ASAP2: variants seen among roughly 807,000 people sequenced by gnomAD.
ASAP2 encodes ArfGAP with SH3 domain, ankyrin repeat and PH domain 2.
A neutral mutation model predicts 131.4 loss-of-function variants in ASAP2; 45 were observed. The ratio of observed to expected loss-of-function variants is 0.34; its 90% CI spans 0.27 to 0.44. The LOEUF (loss-of-function observed/expected upper bound fraction) is 0.44. Ranked by LOEUF, ASAP2 falls within the 20% of genes least tolerant of loss-of-function variation. The pLI, the probability that ASAP2 is intolerant of heterozygous loss-of-function variation, is 1.00. For synonymous variants in ASAP2, 510 were observed against 503.0 expected, an observed-to-expected ratio of 1.01 and a Z score of -0.19; for missense variants, 1,011 against 1,297.0, an observed-to-expected ratio of 0.78 and a Z score of 3.39.
chr2:9,400,556 G>C (rs975792609), intron 25 of ASAP2, among the ~76,000 whole-genome samples, 186 bp from the exon 26 acceptor site: 1 of 151,912 alleles, frequency 6.6e-6, no homozygotes, highest in Non-Finnish European at 1.5e-5. Flanking sequence ...AGGCTCACTG[G>C]GGGACACTCG....
At chr2:9,329,533 G>C (rs1405417480) in intron 7 of ASAP2, among the ~76,000 whole-genome samples, 1 of 152,198 alleles carries the variant, frequency 6.6e-6, no homozygotes, top group Non-Finnish European at 1.5e-5. Context: ...GTTAGAAGCA[G>C]CTTCAGGAAG....
intron 9 of ASAP2, among the ~76,000 whole-genome samples, chr2:9,335,686 C>T (rs887343244): frequency 1.1e-4 from 17 of 152,188 alleles, no homozygotes; most frequent in Non-Finnish European, 2.1e-4. Context: ...CTCTTACTTC[C>T]CCTCTTTCTG....
chr2:9,271,338 G>C (rs1666379452), intron 1 of ASAP2: 1 of 1,077,066 alleles, frequency 9.3e-7, no homozygotes, highest in Non-Finnish European at 1.4e-6. Context: ...AGCTCTACGA[G>C]GAACTGGCAT....
intron 19 of ASAP2, 63 bp downstream of exon 19, chr2:9,379,122 C>A: frequency 8.3e-7 from 1 of 1,200,952 alleles, no homozygotes; most frequent in Non-Finnish European, 1.1e-6. Context: ...TCCTGTCTGC[C>A]ATCCAAGCGC....
At chr2:9,302,169 CTTTTTTTTT>C (rs57906310) in intron 3 of ASAP2, among the ~76,000 whole-genome samples, 1 of 82,920 alleles carries the variant, frequency 1.2e-5, no homozygotes, top group Admixed American at 1.4e-4. Flanking sequence ...AGTTAGAAGC[CTTTTTTTTT>C]TTTTTTTTTT....
intron 14 of ASAP2, among the ~76,000 whole-genome samples, chr2:9,357,264 A>G (rs1672775820): frequency 6.6e-6 from 1 of 151,680 alleles, no homozygotes; most frequent in Admixed American, 6.6e-5. Flanking sequence ...GGATCACTTG[A>G]GGTCAGGAGT....
intron 22 of ASAP2, 109 bp from the exon 23 acceptor site, chr2:9,390,953 C>T (rs530146679): frequency 1.2e-5 from 18 of 1,542,490 alleles, no homozygotes; most frequent in Middle Eastern, 1.8e-4. Flanking sequence ...TCATACTGAC[C>T]GTTTCATAAG....
intron 18 of ASAP2, 80 bp from the exon 19 acceptor site, chr2:9,378,864 C>CCCAGGCTCCCTGCCGGGCAGT: frequency 9.7e-7 from 1 of 1,028,096 alleles, no homozygotes; most frequent in South Asian, 3.6e-5. Context: ...GTGCCCGTAG[C>CCCAGGCTCCCTGCCGGGCAGT]CCAGGCTCCC....
At chr2:9,252,784 C>T (rs577050431) in intron 1 of ASAP2, among the ~76,000 whole-genome samples, 15 of 151,700 alleles carry the variant, frequency 9.9e-5, no homozygotes, top group Admixed American at 5.2e-4. Context: ...GGCGTGGTGG[C>T]GGGCGCCTGT....
intron 1 of ASAP2, among the ~76,000 whole-genome samples, 163 bp from the exon 2 acceptor site, chr2:9,279,154 C>T (rs1434269444): frequency 2.6e-5 from 4 of 152,138 alleles, no homozygotes; most frequent in Non-Finnish European, 1.5e-5. Flanking sequence ...GGGCTTGTCT[C>T]CCAGAAACAG....
intron 1 of ASAP2, among the ~76,000 whole-genome samples, chr2:9,241,770 C>T (rs1303524714): frequency 1.3e-5 from 2 of 152,136 alleles, no homozygotes; most frequent in African/African-American, 4.8e-5. Flanking sequence ...ATGCCAGACA[C>T]TGTGCTAAGT....
chr2:9,323,292 C>T, intron 6 of ASAP2, 42 bp downstream of exon 6: 2 of 1,609,266 alleles, frequency 1.2e-6, no homozygotes. Context: ...CCAGGCTGTG[C>T]CGGCTCTGCC....
In ASAP2 at chr2:9,393,527, G is replaced by T. The variant is rs1218341509; in HGVS notation, c.2564G>T (p.Ser855Ile). ...CCCCCACCCGTTGCCAAGACGCCCA[G>T]CGTAATGGAAGCCTTGAGCCAGCCG... ...TPPPPVAKTP[S>I]VMEALSQPSK... is the part of the protein sequence containing the mutation. Residue 855 changes from serine (S) to isoleucine (I), a missense_variant, in exon 24 of 28, where the codon AGC becomes ATC. By Grantham distance (142) the Ser-to-Ile change is moderately radical. Around this residue, in one of 2 missense-constraint regions of ASAP2, gnomAD observed 652 missense variants for 698.9 expected, o/e 0.93. Coordinates refer to ENST00000281419, the MANE Select transcript of ASAP2 (RefSeq NM_003887.3). 1.2e-6 allele frequency: 2 copies of T among 1,602,684 alleles called. No individual in the cohort carries two copies. Among genetic ancestry groups the T allele is most frequent in the East Asian group, 2.3e-5 (1 of 44,296 alleles).
At chr2:9,372,535 A>G (rs764046978) in intron 16 of ASAP2, among the ~76,000 whole-genome samples, 1 of 152,208 alleles carries the variant, frequency 6.6e-6, no homozygotes, top group Non-Finnish European at 1.5e-5. Context: ...CCTACCATGT[A>G]TTTCTGATCA....
intron 16 of ASAP2, among the ~76,000 whole-genome samples, chr2:9,369,015 A>G (rs1356185505): frequency 6.8e-6 from 1 of 147,758 alleles, no homozygotes; most frequent in African/African-American, 2.6e-5. Context: ...TTGACGGAGA[A>G]GCTTTTTTTT....
intron 2 of ASAP2, among the ~76,000 whole-genome samples, chr2:9,283,254 T>A (rs191298615): frequency 6.6e-5 from 10 of 152,282 alleles, no homozygotes; most frequent in Admixed American, 6.5e-4. Flanking sequence ...ATTTTTGTAA[T>A]TTTAGTGGAG....
At chr2:9,393,881 C>T (rs1300557441) in intron 24 of ASAP2, among the ~76,000 whole-genome samples, 1 of 152,212 alleles carries the variant, frequency 6.6e-6, no homozygotes, top group African/African-American at 2.4e-5. Flanking sequence ...AAAGTGTCCT[C>T]AACACACAAG....
At chr2:9,214,833 TA>T (rs1157570475) in intron 1 of ASAP2, among the ~76,000 whole-genome samples, 2 of 151,412 alleles carry the variant, frequency 1.3e-5, no homozygotes, top group Non-Finnish European at 2.9e-5. Context: ...AGAAAGCACT[TA>T]ATAGTCTCAT....
chr2:9,287,916 T>A (rs1019139712), intron 2 of ASAP2, among the ~76,000 whole-genome samples: 5 of 152,212 alleles, frequency 3.3e-5, no homozygotes, highest in Admixed American at 2.0e-4. Context: ...AACGTCCAAG[T>A]GTTGGCATGA....
Sources: gnomAD v4.1 joint callset for allele counts (sites outside exome capture counted in the v4.1 genomes callset) on GRCh38, gnomAD v4.1.1 for gene constraint, gnomAD v4.1.1 regional missense constraint, MANE v1.5 for transcripts, NCBI Gene and HGNC (gene_info 2026-07-23, HGNC 2026-07-21) for gene names.